Variants in SRGAP1 observed in about 807,000 individuals in gnomAD.
SRGAP1 encodes the protein SLIT-ROBO Rho GTPase-activating protein 1.
Under a neutral mutation model 121.9 loss-of-function variants are expected in SRGAP1, and 43 were observed. The observed-to-expected ratio is 0.35, with a 90% confidence interval of 0.28 to 0.46. SRGAP1 has a LOEUF of 0.46. Ranked by LOEUF, SRGAP1 falls within the 20% of genes least tolerant of loss-of-function variation. SRGAP1 has a pLI of 1.00. For missense variants in SRGAP1, 1,102 were observed against 1,350.9 expected, an observed-to-expected ratio of 0.82 and a Z score of 2.89; for synonymous variants, 447 against 485.4, an observed-to-expected ratio of 0.92 and a Z score of 1.04.
chr12:63,952,396 G>T (rs2032327984), intron 1 of SRGAP1, among the ~76,000 whole-genome samples: 1 of 152,110 alleles, frequency 6.6e-6, no homozygotes, highest in Non-Finnish European at 1.5e-5. Context: ...TGCACCTACA[G>T]TCTTAGCTAC....
At chr12:63,845,013 C>A in intron 1 of SRGAP1, 130 bp downstream of exon 1, 1 of 873,706 alleles carries the variant, frequency 1.1e-6, no homozygotes, top group Non-Finnish European at 1.9e-6. Flanking sequence ...CCTGTCTGAG[C>A]CACCTGGGCT....
chr12:64,015,577 A>G (rs1318501733), intron 3 of SRGAP1, among the ~76,000 whole-genome samples: 2 of 152,064 alleles, frequency 1.3e-5, no homozygotes, highest in East Asian at 3.9e-4. Flanking sequence ...TTCCCACACT[A>G]TTTTATCTTC....
intron 1 of SRGAP1, chr12:63,871,693 G>A (rs1231980504): frequency 1.4e-6 from 1 of 736,050 alleles, no homozygotes; most frequent in African/African-American, 1.8e-5. Flanking sequence ...TTTTTCTATT[G>A]CTTCAACATT....
chr12:63,878,336 G>A (rs1272616311), intron 1 of SRGAP1, among the ~76,000 whole-genome samples: 1 of 152,154 alleles, frequency 6.6e-6, no homozygotes, highest in Non-Finnish European at 1.5e-5. Context: ...AGACAATATG[G>A]AAATGAATGG....
chr12:63,885,142 A>G (rs1273297523), intron 1 of SRGAP1, among the ~76,000 whole-genome samples: 1 of 152,072 alleles, frequency 6.6e-6, no homozygotes, highest in Non-Finnish European at 1.5e-5. Flanking sequence ...TTCCGTGACC[A>G]AATGTGTGAG....
At chr12:64,107,874 A>C (rs562336939) in intron 15 of SRGAP1, among the ~76,000 whole-genome samples, 10 of 152,334 alleles carry the variant, frequency 6.6e-5, no homozygotes, top group Non-Finnish European at 1.3e-4. Flanking sequence ...GTAAAGGTAC[A>C]GCTTTACAAA....
chr12:63,978,857 C>T (rs1409369351), intron 1 of SRGAP1, among the ~76,000 whole-genome samples: 2 of 152,124 alleles, frequency 1.3e-5, no homozygotes, highest in Non-Finnish European at 2.9e-5. Flanking sequence ...ACATTGTCTT[C>T]CAACACTTTT....
intron 8 of SRGAP1, among the ~76,000 whole-genome samples, chr12:64,069,577 A>G (rs1196906242): frequency 1.3e-5 from 2 of 152,198 alleles, no homozygotes; most frequent in Admixed American, 6.5e-5. Context: ...GCCTGCTGCC[A>G]CACAGCCTTG....
intron 1 of SRGAP1, among the ~76,000 whole-genome samples, chr12:63,890,159 C>T (rs1232234536): frequency 2.6e-5 from 4 of 152,102 alleles, no homozygotes; most frequent in Non-Finnish European, 2.9e-5. Flanking sequence ...AATAACTCAC[C>T]GTTATTCTTA....
intron 1 of SRGAP1, among the ~76,000 whole-genome samples, chr12:63,877,378 T>G (rs1483658736): frequency 6.6e-6 from 1 of 152,208 alleles, no homozygotes; most frequent in Non-Finnish European, 1.5e-5. Flanking sequence ...TTTTTCCCTT[T>G]GGGAAAATTT....
chr12:64,044,482 A>G (rs1366993480), intron 6 of SRGAP1, among the ~76,000 whole-genome samples: 1 of 152,080 alleles, frequency 6.6e-6, no homozygotes, highest in Non-Finnish European at 1.5e-5. Flanking sequence ...GTTTTATTAT[A>G]GAATATTTTA....
chr12:63,979,280 C>T (rs1293148983), intron 1 of SRGAP1, among the ~76,000 whole-genome samples: 1 of 152,064 alleles, frequency 6.6e-6, no homozygotes, highest in East Asian at 1.9e-4. Flanking sequence ...CCTCATAATC[C>T]ACCTGCCTCG....
At chr12:63,849,392 TTATAGA>T (rs1475526173) in intron 1 of SRGAP1, among the ~76,000 whole-genome samples, 1 of 152,220 alleles carries the variant, frequency 6.6e-6, no homozygotes. Context: ...GAAGTGGAAC[TTATAGA>T]TGAGAGGCTG....
At chr12:64,057,711 T>C (rs118117836) in intron 6 of SRGAP1, among the ~76,000 whole-genome samples, 10 of 152,058 alleles carry the variant, frequency 6.6e-5, no homozygotes, top group Non-Finnish European at 1.2e-4. Flanking sequence ...ATCACAGAAG[T>C]CTCTCAAACA....
chr12:63,944,381 C>T (rs1402802202), intron 1 of SRGAP1, among the ~76,000 whole-genome samples: 2 of 152,170 alleles, frequency 1.3e-5, no homozygotes, highest in Admixed American at 6.5e-5. Flanking sequence ...ACTAAGGGCC[C>T]ACTTTCTGGT....
intron 1 of SRGAP1, among the ~76,000 whole-genome samples, chr12:63,891,983 C>CAAAAAA (rs10716009): frequency 3.1e-5 from 3 of 96,328 alleles, no homozygotes; most frequent in African/African-American, 8.2e-5. Flanking sequence ...AAGACTGTCT[C>CAAAAAA]AAAAAAAAAA....
intron 18 of SRGAP1, chr12:64,120,541 G>GA (rs1303919439): frequency 7.9e-5 from 12 of 152,132 alleles, no homozygotes; most frequent in African/African-American, 2.9e-4. Flanking sequence ...ACAATCTATG[G>GA]AGAGGTATTG....
In SRGAP1 at chr12:64,110,050, A is replaced by G. The variant is rs560960614; in HGVS notation, c.1919+1013A>G. ...CCTTTGTACATTAATCACCACTGGA[A>G]AAAAGCAGTATCTAGAGAGTTAAGT... On this transcript the variant is annotated intron_variant, in intron 16 of 21. Coordinates refer to ENST00000355086, the MANE Select transcript of SRGAP1 (RefSeq NM_020762.4). Among the ~76,000 whole-genome samples, 3 of 152,324 alleles carry G rather than the reference A, an allele frequency of 2.0e-5. No homozygotes were observed. In the East Asian group the frequency reaches 5.8e-4, roughly 29 times the overall value.
chr12:63,903,063 TTATA>T lies in SRGAP1; in HGVS notation c.67+58193_67+58196del, dbSNP rs4045069. On this transcript the variant is annotated intron_variant, in intron 1 of 21. Coordinates refer to ENST00000355086, the MANE Select transcript of SRGAP1 (RefSeq NM_020762.4). ...CTGAAATGATACTAGGATTAAACTA[TTATA>T]TATATATATATAAAGTGTGTGTGTA... Among the ~76,000 whole-genome samples, 499 of 151,156 alleles carry T rather than the reference TTATA, an allele frequency of 3.3e-3. 4 individuals carry two copies. Among genetic ancestry groups the T allele is most frequent in the African/African-American group, 0.011 (473 of 41,238 alleles).
Sources: allele counts gnomAD v4.1 joint callset (sites outside exome capture counted in the v4.1 genomes callset), GRCh38; gene constraint gnomAD v4.1.1; transcripts MANE v1.5; gene names NCBI Gene and HGNC (gene_info 2026-07-23, HGNC 2026-07-21).